CGN: variants seen among roughly 807,000 people sequenced by gnomAD.
The protein encoded by CGN is cingulin.
Under a neutral mutation model 157.1 loss-of-function variants are expected in CGN, and 121 were observed. That is an observed-to-expected ratio of 0.77 (90% confidence interval 0.66 to 0.90). The LOEUF (loss-of-function observed/expected upper bound fraction) is 0.90, where lower values mean the gene tolerates loss of function less well. Ranked by LOEUF, CGN falls within the 40% of genes least tolerant of loss-of-function variation. CGN has a pLI of 0.00. For synonymous variants in CGN, 535 were observed against 607.5 expected (o/e 0.88, Z 1.76); for missense variants, 1,424 against 1,520.9 (o/e 0.94, Z 1.06).
At chr1:151,527,209 T>C in intron 10 of CGN, 102 bp downstream of exon 10, 3 of 1,361,700 alleles carry the variant, frequency 2.2e-6, no homozygotes, top group Non-Finnish European at 3.1e-6. Context: ...TCCTGTGTGC[T>C]TGGTTTCCAG....
chr1:151,525,649 C>T lies in CGN; in HGVS notation c.1622C>T (p.Ala541Val). The T allele has an allele frequency of 6.3e-7, 1 of 1,596,754 alleles. No homozygotes were observed. Among genetic ancestry groups the T allele is most frequent in the Non-Finnish European group, 8.5e-7 (1 of 1,172,290 alleles). Residue 541 changes from alanine (A) to valine (V), a missense_variant, in exon 9 of 21, where the codon GCA becomes GTA. By Grantham distance (64) the Ala-to-Val change is moderately conservative. Around this residue, in one of 3 missense-constraint regions of CGN, gnomAD observed 1,187 missense variants for 1,217.6 expected, o/e 0.97. Transcript: ENST00000271636. ...AACTCTCCCCTTCTCTAGGACCATGCAGTGCTGGAGGCCGAGAGGCAGAAG... is the reference window on the plus strand; with the variant it reads ...AACTCTCCCCTTCTCTAGGACCATGTAGTGCTGGAGGCCGAGAGGCAGAAG... ...RSMQDATQDH[A>V]VLEAERQKMS... is the part of the protein sequence containing the mutation.
chr1:151,513,402 A>G (rs980917873), intron 1 of CGN, among the ~76,000 whole-genome samples: 8 of 151,732 alleles, frequency 5.3e-5, no homozygotes, highest in Admixed American at 1.3e-4. Flanking sequence ...CACTTGGGGG[A>G]TTCTTTTTGG....
intron 9 of CGN, among the ~76,000 whole-genome samples, chr1:151,526,181 CTTTTTT>C (rs10570307): frequency 1.4e-5 from 2 of 139,018 alleles, no homozygotes; most frequent in African/African-American, 5.3e-5. Context: ...CCCCTTTCTC[CTTTTTT>C]TTTTTTTTTG....
Position 151,524,669 on chromosome 1 carries a change from T to C in CGN, c.1402-5T>C. 1.2e-6 allele frequency: 2 copies of C among 1,602,510 alleles called. No homozygotes were observed. The highest frequency in any genetic ancestry group is 1.7e-6 in the Non-Finnish European group (2 of 1,176,538). ...CCCCTGTACTTCTTCCTTTATTTTC[T>C]CCAGGACCTGTTAGAGACCCGGGAA... On this transcript the variant is annotated splice_region_variant and splice_polypyrimidine_tract_variant and intron_variant, in intron 7 of 20. Coordinates refer to ENST00000271636, the MANE Select transcript of CGN (RefSeq NM_020770.3). This position sits in a 1 kb window ranked among gnomAD's most constrained non-coding sequence, Gnocchi z 4.4.
chr1:151,532,616 T>A, intron 14 of CGN, 44 bp downstream of exon 14: 18 of 1,024,050 alleles, frequency 1.8e-5, no homozygotes, highest in East Asian at 4.4e-5. Context: ...TTGCCTCTTT[T>A]TTTTTTTTTT....
chr1:151,537,490 T>TAAA lies in CGN; in HGVS notation c.*154_*156dup, dbSNP rs5777776. On this transcript the variant is annotated 3_prime_UTR_variant, in exon 21 of 21. Transcript: ENST00000271636. ...CAGGGAGGGGTCAGAGTGATGGTGA[T>TAAA]AAAAAAAAAAAATCATCAGCAATAA... The TAAA allele has an allele frequency of 1.5e-4, 66 of 432,550 alleles. No homozygotes were observed. Among genetic ancestry groups the TAAA allele is most frequent in the African/African-American group, 2.0e-4 (10 of 49,858 alleles). The allele number at this position is 432,550 out of a possible 1,614,324, so 26.8% of individuals were successfully genotyped here.
chr1:151,525,611 C>A, intron 8 of CGN, 31 bp from the exon 9 acceptor site: 1 of 1,526,376 alleles, frequency 6.6e-7, no homozygotes, highest in South Asian at 1.3e-5. Flanking sequence ...TCCCTCTGAG[C>A]CTTCTGGTGT....
intron 8 of CGN, among the ~76,000 whole-genome samples, chr1:151,525,275 T>C (rs1664645531): frequency 1.3e-5 from 2 of 152,222 alleles, no homozygotes; most frequent in African/African-American, 4.8e-5. Flanking sequence ...GATGCGTACT[T>C]GTAGTCCTAG....
intron 13 of CGN, among the ~76,000 whole-genome samples, chr1:151,531,864 A>G (rs1044593910): frequency 5.9e-5 from 9 of 152,236 alleles, no homozygotes; most frequent in African/African-American, 2.2e-4. Context: ...AAAAATGCAC[A>G]TCTTATCATT....
chr1:151,533,118 G>A (rs994848890), intron 14 of CGN, among the ~76,000 whole-genome samples: 1 of 152,160 alleles, frequency 6.6e-6, no homozygotes, highest in African/African-American at 2.4e-5. Context: ...CATCTCTGGG[G>A]ATGGGATCCA....
At chr1:151,519,691 T>A (rs1664495462) in intron 2 of CGN, among the ~76,000 whole-genome samples, 1 of 152,216 alleles carries the variant, frequency 6.6e-6, no homozygotes, top group South Asian at 2.1e-4. Context: ...TTGCAAGGTC[T>A]GCAGAATATG....
intron 2 of CGN, 28 bp from the exon 3 acceptor site, chr1:151,520,134 CTTTT>C (rs753352882): frequency 2.9e-6 from 4 of 1,398,522 alleles, no homozygotes; most frequent in African/African-American, 2.9e-5. Context: ...TTCTTTCTTT[CTTTT>C]TTTTTTCTTT....
At chr1:151,535,953 C>T (rs1664959000) in intron 18 of CGN, 55 bp downstream of exon 18, 3 of 1,391,184 alleles carry the variant, frequency 2.2e-6, no homozygotes, top group African/African-American at 1.4e-5. Flanking sequence ...CTCCCTCCCT[C>T]TTGGCTTTTC....
At chr1:151,529,270 T>TTC (rs1664770882) in intron 10 of CGN, 80 bp from the exon 11 acceptor site, 1 of 1,214,446 alleles carries the variant, frequency 8.2e-7, no homozygotes, top group East Asian at 2.4e-5. Flanking sequence ...CTTGGCAGTG[T>TTC]ATGAGAGTTT....
chr1:151,520,844 G>A (rs1159058002), intron 5 of CGN, among the ~76,000 whole-genome samples, 153 bp downstream of exon 5: 1 of 152,180 alleles, frequency 6.6e-6, no homozygotes, highest in Non-Finnish European at 1.5e-5. Context: ...TTCCAGGAAG[G>A]ACTTCTGGGG....
chr1:151,518,869 G>C lies in CGN; in HGVS notation c.350G>C (p.Ser117Thr). ...QVKGFPAPSQ[S>T]STSDEEPGAY... ...AAGGGATTTCCTGCCCCCTCGCAGA[G>C]CAGCACATCTGATGAGGAGCCTGGG... The change falls in exon 2 of 21, where the codon AGC becomes ACC. Residue 117 changes from serine (S) to threonine (T), a missense_variant. Coordinates refer to ENST00000271636, the MANE Select transcript of CGN (RefSeq NM_020770.3). 1 of 1,614,058 alleles carries C rather than the reference G, an allele frequency of 6.2e-7. No homozygotes were observed. Among genetic ancestry groups the C allele is most frequent in the Non-Finnish European group, 8.5e-7 (1 of 1,179,940 alleles).
In CGN at chr1:151,535,819, T is replaced by G. The variant is rs1219191067; in HGVS notation, c.3118T>G (p.Phe1040Val). Residue 1040 changes from phenylalanine (F) to valine (V), a missense_variant, in exon 18 of 21, where the codon TTC becomes GTC. Physicochemically the swap from Phe to Val is conservative, Grantham distance 50 (BLOSUM62 -1). Coordinates refer to ENST00000271636, the MANE Select transcript of CGN (RefSeq NM_020770.3). The part of the protein sequence containing the change: ...LKTRLASSEG[F>V]QKPSASLSQL... ...GACCCGGTTGGCCAGCTCAGAAGGC[T>G]TCCAGAAGCCTAGTGCCAGCCTCTC... 6.2e-7 allele frequency: 1 copy of G among 1,614,190 alleles called. No homozygotes were observed. The highest frequency in any genetic ancestry group is 1.7e-5 in the Admixed American group (1 of 60,022).
chr1:151,530,118 C>T lies in CGN; in HGVS notation c.2313+3C>T. ...GGGACAAGCTGCAGCGGCTGGAGGT[C>T]AGTGGTTCTGCCCTCCCAGCCCTCT... On this transcript the variant is annotated splice_donor_region_variant and intron_variant, in intron 12 of 20. Transcript: ENST00000271636. 1 of 1,608,924 alleles carries T rather than the reference C, an allele frequency of 6.2e-7. No homozygotes were observed. The highest frequency in any genetic ancestry group is 8.5e-7 in the Non-Finnish European group (1 of 1,176,124).
chr1:151,527,151 A>G (rs764769443), intron 10 of CGN, 44 bp downstream of exon 10: 1 of 1,611,744 alleles, frequency 6.2e-7, no homozygotes, highest in Admixed American at 1.7e-5. Context: ...GGGGTGATGA[A>G]CACCTGCCTT....
Sources: gnomAD v4.1 joint callset for allele counts (sites outside exome capture counted in the v4.1 genomes callset) on GRCh38, gnomAD v4.1.1 for gene constraint, gnomAD v4.1.1 regional missense constraint, Gnocchi (gnomAD v3.1) non-coding constraint, MANE v1.5 for transcripts, NCBI Gene and HGNC (gene_info 2026-07-23, HGNC 2026-07-21) for gene names.